The following CCDC13 variants were observed in gnomAD, a reference collection of about 807,000 sequenced individuals.
CCDC13 encodes the protein coiled-coil domain-containing protein 13.
Under a neutral mutation model 87.3 loss-of-function variants are expected in CCDC13, and 70 were observed. That is an observed-to-expected ratio of 0.80 (90% CI 0.66 to 0.98). The LOEUF (loss-of-function observed/expected upper bound fraction) is 0.98. Among genes scored for constraint, CCDC13 ranks in the 50% least tolerant of loss-of-function variants. CCDC13 has a pLI of 0.00. For missense variants in CCDC13, 842 were observed against 892.0 expected, an observed-to-expected ratio of 0.94 and a Z score of 0.71; for synonymous variants, 317 against 360.3, an observed-to-expected ratio of 0.88 and a Z score of 1.36.
At chr3:42,771,849 A>G (rs1700121828) in intron 1 of CCDC13, among the ~76,000 whole-genome samples, 1 of 152,264 alleles carries the variant, frequency 6.6e-6, no homozygotes, top group Non-Finnish European at 1.5e-5. Flanking sequence ...TATCAATGAT[A>G]ACAAATGTAC....
At chr3:42,761,521 G>A (rs1026231244) in intron 1 of CCDC13, among the ~76,000 whole-genome samples, 3 of 152,202 alleles carry the variant, frequency 2.0e-5, no homozygotes. Flanking sequence ...GCTTCACAAT[G>A]GCAGGCACTG....
At chr3:42,743,199 G>A (rs1262230547) in intron 7 of CCDC13, 142 bp from the exon 8 acceptor site, 5 of 844,028 alleles carry the variant, frequency 5.9e-6, no homozygotes, top group Non-Finnish European at 9.2e-6. Context: ...GAGGACTAGG[G>A]GTGGGGGACA....
At chr3:42,753,089 T>C (rs1699624742) in intron 3 of CCDC13, among the ~76,000 whole-genome samples, 1 of 152,240 alleles carries the variant, frequency 6.6e-6, no homozygotes, top group Non-Finnish European at 1.5e-5. Flanking sequence ...CCCTTGGGCC[T>C]TCTATGACTC....
At position 42,707,945 on chromosome 3, in the gene CCDC13, C is replaced by T. The variant is rs1698213991; in HGVS notation, c.*1035G>A. ...TAGTTACAGCTGAGAAAGGGCAACACTGACAGTCATAGAGGCCTGCGGATC... is the reference window on the plus strand; with the variant it reads ...TAGTTACAGCTGAGAAAGGGCAACATTGACAGTCATAGAGGCCTGCGGATC... On this transcript the variant is annotated 3_prime_UTR_variant, in exon 16 of 16. Transcript: ENST00000310232. 6.6e-6 allele frequency among the ~76,000 whole-genome samples: 1 copy of T among 152,192 alleles called. No individual in the cohort carries two copies. Among genetic ancestry groups the T allele is most frequent in the Non-Finnish European group, 1.5e-5 (1 of 68,028 alleles).
At chr3:42,733,362 C>T in intron 11 of CCDC13, 108 bp downstream of exon 11, 1 of 1,340,612 alleles carries the variant, frequency 7.5e-7, no homozygotes, top group Non-Finnish European at 1.1e-6. Context: ...ACAGCATAGT[C>T]ATCTTAAAAT....
At position 42,707,150 on chromosome 3, in the gene CCDC13, T is replaced by G. The variant is rs1367009654; in HGVS notation, c.*1830A>C. 6.6e-6 allele frequency among the ~76,000 whole-genome samples: 1 copy of G among 152,142 alleles called. No homozygotes were observed. The highest frequency in any genetic ancestry group is 1.5e-5 in the Non-Finnish European group (1 of 68,010). ...GCACTGAGGCCAGAGCCTGTACCCC[T>G]CATACTCAGATCACCCTCTGGAGCT... On this transcript the variant is annotated 3_prime_UTR_variant, in exon 16 of 16. Transcript: ENST00000310232.
In CCDC13 at chr3:42,708,817, G is replaced by T; in HGVS notation, c.*163C>A. The T allele has an allele frequency of 2.9e-6, 2 of 685,372 alleles. No homozygotes were observed. The highest frequency in any genetic ancestry group is 3.0e-5 in the East Asian group (1 of 33,584). The allele number at this position is 685,372 out of a possible 1,614,324, so 42.5% of individuals were successfully genotyped here. A position where few individuals can be genotyped will look rare whatever the true frequency, so the allele number is the denominator to read the frequency against. On this transcript the variant is annotated 3_prime_UTR_variant, in exon 16 of 16. Transcript: ENST00000310232. ...GGCTTCTCTTCTGCCTTCCTGGCCT[G>T]AGACATTGGTTTTGGTCATCCTTAA...
chr3:42,716,796 A>G (rs1243386083), intron 13 of CCDC13, among the ~76,000 whole-genome samples: 5 of 152,238 alleles, frequency 3.3e-5, no homozygotes, highest in African/African-American at 1.2e-4. Flanking sequence ...AAAGCTAACC[A>G]TAAAATTACC....
chr3:42,759,291 A>C (rs189054953), intron 1 of CCDC13, among the ~76,000 whole-genome samples: 1 of 149,256 alleles, frequency 6.7e-6, no homozygotes, highest in Non-Finnish European at 1.5e-5. Flanking sequence ...TGTGAGTAAC[A>C]GTGAGACCCT....
chr3:42,760,217 G>A (rs1273736494), intron 1 of CCDC13, among the ~76,000 whole-genome samples: 4 of 151,978 alleles, frequency 2.6e-5, no homozygotes, highest in Non-Finnish European at 2.9e-5. Context: ...CTTGAACCCA[G>A]GAGGCAGAGG....
At position 42,747,337 on chromosome 3, in the gene CCDC13, G is replaced by A; in HGVS notation, c.640C>T (p.Leu214=). Residue 214 remains leucine, a synonymous_variant, in exon 6 of 16, where the codon CTG becomes TTG. Coordinates refer to ENST00000310232, the MANE Select transcript of CCDC13 (RefSeq NM_144719.4). ...TPEVKALQDR[L]VATNLKMSDL... is the part of the protein sequence containing the mutation. ...CTCATCTTCAAGTTGGTGGCCACCA[G>A]CCTGTCCTGCAGGGCCTTCACCTCT... The A allele has an allele frequency of 6.2e-7, 1 of 1,614,108 alleles. No homozygotes were observed. Among genetic ancestry groups the A allele is most frequent in the Non-Finnish European group, 8.5e-7 (1 of 1,180,022 alleles).
intron 8 of CCDC13, among the ~76,000 whole-genome samples, chr3:42,741,909 C>T (rs1699232870): frequency 6.6e-6 from 1 of 152,198 alleles, no homozygotes; most frequent in African/African-American, 2.4e-5. Flanking sequence ...ATGGTTACAG[C>T]ATTCCTAACA....
At position 42,721,939 on chromosome 3, in the gene CCDC13, G is replaced by A. The variant is rs1698572396; in HGVS notation, c.1718+8528C>T. ...ATCTGGAACAGTATTCTAATTCTGG[G>A]CATGTATTGGAATTGGCTAGCAACC... On this transcript the variant is annotated intron_variant, in intron 13 of 15. Coordinates refer to ENST00000310232, the MANE Select transcript of CCDC13 (RefSeq NM_144719.4). Among the ~76,000 whole-genome samples, 4 of 152,156 alleles carry A rather than the reference G, an allele frequency of 2.6e-5. No homozygotes were observed. The South Asian group carries it at 8.3e-4, about 32-fold the overall frequency.
intron 13 of CCDC13, among the ~76,000 whole-genome samples, chr3:42,715,963 C>T (rs182886195): frequency 2.3e-4 from 35 of 152,334 alleles, no homozygotes; most frequent in African/African-American, 7.9e-4. Flanking sequence ...ATAAATTACT[C>T]AGTCTGTGGT....
intron 2 of CCDC13, 36 bp downstream of exon 2, chr3:42,758,088 CA>C: frequency 6.4e-7 from 1 of 1,559,348 alleles, no homozygotes; most frequent in Admixed American, 1.7e-5. Context: ...CACACACACA[CA>C]CACACACCCC....
chr3:42,723,619 A>G (rs1698617508), intron 13 of CCDC13, among the ~76,000 whole-genome samples: 1 of 152,246 alleles, frequency 6.6e-6, no homozygotes. Context: ...TTCCAAGAAC[A>G]CTAGAGCTGT....
intron 10 of CCDC13, 49 bp from the exon 11 acceptor site, chr3:42,733,658 C>T (rs1419896593): frequency 6.5e-7 from 1 of 1,544,444 alleles, no homozygotes; most frequent in East Asian, 2.3e-5. Context: ...GCTCAGAGGC[C>T]TAGAGAAGGC....
intron 13 of CCDC13, 48 bp from the exon 14 acceptor site, chr3:42,713,364 C>T: frequency 6.2e-7 from 1 of 1,600,292 alleles, no homozygotes; most frequent in Non-Finnish European, 8.5e-7. Context: ...CAGGCAGGGG[C>T]AGGCCCTACC....
At position 42,747,262 on chromosome 3, in the gene CCDC13, G is replaced by A. The variant is rs2125900578; in HGVS notation, c.715C>T (p.Gln239Ter). ...AAGCCCTGGCTCTGAAAGACCTTCT[G>A]TGCCATCCGCAGCTCCTGCTTCACA... ...QSVKQELRMA[Q>*]KVLAREVGED... Residue 239 changes from glutamine (Q) to a stop codon, truncating the protein, a stop_gained, in exon 6 of 16, where the codon CAG becomes TAG. Coordinates refer to ENST00000310232, the MANE Select transcript of CCDC13 (RefSeq NM_144719.4). LOFTEE classifies it high-confidence loss of function. 1 of 1,613,508 alleles carries A rather than the reference G, an allele frequency of 6.2e-7. No homozygotes were observed. The highest frequency in any genetic ancestry group is 8.5e-7 in the Non-Finnish European group (1 of 1,179,492).
Sources: gnomAD v4.1 joint callset for allele counts (sites outside exome capture counted in the v4.1 genomes callset) on GRCh38, gnomAD v4.1.1 for gene constraint, MANE v1.5 for transcripts, NCBI Gene and HGNC (gene_info 2026-07-23, HGNC 2026-07-21) for gene names.